Variants in ADGRB3 observed in about 807,000 individuals in gnomAD.
ADGRB3 encodes the protein brain-specific angiogenesis inhibitor 3.
A neutral mutation model predicts 193.4 loss-of-function variants in ADGRB3; 37 were observed. The ratio of observed to expected loss-of-function variants is 0.19; its 90% CI spans 0.15 to 0.25. The LOEUF (loss-of-function observed/expected upper bound fraction) is 0.25, where lower values mean the gene tolerates loss of function less well. Ranked by LOEUF, ADGRB3 falls within the 10% of genes least tolerant of loss-of-function variation. The pLI is 1.00. For synonymous variants in ADGRB3, 690 were observed against 644.2 expected (o/e 1.07, Z -1.08); for missense variants, 1,637 against 1,852.9 (o/e 0.88, Z 2.14).
chr6:68,690,345 A>G (rs1350653269), intron 3 of ADGRB3, among the ~76,000 whole-genome samples: 5 of 152,242 alleles, frequency 3.3e-5, no homozygotes, highest in Non-Finnish European at 4.4e-5. Flanking sequence ...CTTTTGAGGC[A>G]TGGAAACACA....
chr6:68,679,546 GA>G (rs948252149), intron 3 of ADGRB3, among the ~76,000 whole-genome samples: 62 of 148,634 alleles, frequency 4.2e-4, no homozygotes, highest in Middle Eastern at 6.9e-3. Context: ...TGCTTTTCAG[GA>G]AAAAAAAAAT....
chr6:68,746,817 G>T (rs540096167), intron 3 of ADGRB3, among the ~76,000 whole-genome samples: 48 of 152,024 alleles, frequency 3.2e-4, no homozygotes, highest in African/African-American at 1.2e-3. Flanking sequence ...GAGATAATTT[G>T]ATTTCTACAT....
intron 20 of ADGRB3, among the ~76,000 whole-genome samples, chr6:69,260,729 G>A (rs1373743184): frequency 6.6e-6 from 1 of 152,090 alleles, no homozygotes; most frequent in Non-Finnish European, 1.5e-5. Flanking sequence ...CTTACTTAGG[G>A]AGAATCCTAG....
chr6:68,993,885 A>T lies in ADGRB3; in HGVS notation c.1852A>T (p.Met618Leu). ...AAATTTCTATGCAGGCGATCTTCTG[A>T]TGTCTGTGGAGATCCTGAGAAATGT... The part of the protein sequence containing the change: ...RKNFYAGDLL[M>L]SVEILRNVTD... Residue 618 changes from methionine to leucine, a missense_variant, in exon 11 of 32, where the codon ATG becomes TTG. Met to Leu is a conservative substitution (Grantham distance 15, BLOSUM62 2). Around this residue, in one of 7 missense-constraint regions of ADGRB3, gnomAD observed 641 missense variants for 673.9 expected, o/e 0.95. Transcript: ENST00000370598. The T allele has an allele frequency of 1.2e-6, 2 of 1,613,968 alleles. No individual in the cohort carries two copies. The highest frequency in any genetic ancestry group is 1.7e-6 in the Non-Finnish European group (2 of 1,179,884).
At chr6:69,272,207 T>C (rs1385079390) in intron 20 of ADGRB3, among the ~76,000 whole-genome samples, 1 of 152,212 alleles carries the variant, frequency 6.6e-6, no homozygotes, top group African/African-American at 2.4e-5. Context: ...GGATAGGTCC[T>C]GAGATTTATT....
chr6:68,658,941 T>G (rs1488514696), intron 3 of ADGRB3, among the ~76,000 whole-genome samples: 1 of 151,136 alleles, frequency 6.6e-6, no homozygotes, highest in African/African-American at 2.4e-5. Context: ...TATAGTTAGA[T>G]TAAGCATCTC....
intron 17 of ADGRB3, among the ~76,000 whole-genome samples, chr6:69,171,125 G>A (rs1307828810): frequency 7.3e-6 from 1 of 137,454 alleles, no homozygotes; most frequent in Non-Finnish European, 1.6e-5. Flanking sequence ...TTATTAAGAA[G>A]ATACTTACAT....
At chr6:69,171,199 A>C (rs1370436440) in intron 17 of ADGRB3, among the ~76,000 whole-genome samples, 1 of 152,194 alleles carries the variant, frequency 6.6e-6, no homozygotes, top group South Asian at 2.1e-4. Flanking sequence ...ATCTCAATTT[A>C]GACTAGCTAG....
In ADGRB3 at chr6:69,260,431, A is replaced by G. The variant is rs538712753; in HGVS notation, c.2814+21205A>G. ...GGTGTCCCTCATTGGAAGCAGAAAT[A>G]AGTATTAAATTTGTATTAATATTAG... is the stretch of plus-strand genomic sequence containing the variant. On this transcript the variant is annotated intron_variant, in intron 20 of 31. Coordinates refer to ENST00000370598, the MANE Select transcript of ADGRB3 (RefSeq NM_001704.3). Among the ~76,000 whole-genome samples the G allele has an allele frequency of 3.3e-5, 5 of 152,274 alleles. No homozygotes were observed. In the South Asian group the frequency reaches 1.0e-3, roughly 32 times the overall value.
chr6:69,037,363 G>A (rs1173764459), intron 13 of ADGRB3, among the ~76,000 whole-genome samples: 1 of 152,118 alleles, frequency 6.6e-6, no homozygotes, highest in East Asian at 1.9e-4. Flanking sequence ...ATTGTCTGTG[G>A]CTGCCTTCAC....
intron 3 of ADGRB3, among the ~76,000 whole-genome samples, chr6:68,704,724 G>GA (rs1301592996): frequency 2.6e-5 from 4 of 152,188 alleles, no homozygotes; most frequent in Non-Finnish European, 5.9e-5. Context: ...AATAATCTGT[G>GA]AAAACCTTGC....
At chr6:69,292,318 A>T (rs912345739) in intron 20 of ADGRB3, among the ~76,000 whole-genome samples, 6 of 152,122 alleles carry the variant, frequency 3.9e-5, no homozygotes, top group African/African-American at 1.4e-4. Context: ...ACTATTAAGA[A>T]GTATAGTGAG....
intron 13 of ADGRB3, among the ~76,000 whole-genome samples, chr6:69,025,725 A>T (rs1254403920): frequency 1.3e-5 from 2 of 152,170 alleles, no homozygotes. Context: ...TTGTGCTAAC[A>T]TACTGGTTTC....
At chr6:68,796,640 A>G (rs1248552803) in intron 3 of ADGRB3, among the ~76,000 whole-genome samples, 1 of 152,176 alleles carries the variant, frequency 6.6e-6, no homozygotes, top group East Asian at 1.9e-4. Context: ...TGACAGTGCT[A>G]AAATTATGAC....
chr6:69,201,399 ATCTT>A (rs1401369634), intron 17 of ADGRB3, among the ~76,000 whole-genome samples: 1 of 151,320 alleles, frequency 6.6e-6, no homozygotes, highest in Non-Finnish European at 1.5e-5. Flanking sequence ...TTGACTACCT[ATCTT>A]TCTTAAAATT....
chr6:69,004,351 T>G (rs1369670425), intron 11 of ADGRB3, among the ~76,000 whole-genome samples: 1 of 152,094 alleles, frequency 6.6e-6, no homozygotes, highest in Non-Finnish European at 1.5e-5. Flanking sequence ...ATGGTCTTTT[T>G]CTCTACACAC....
At chr6:68,826,121 C>T (rs151057350) in intron 3 of ADGRB3, among the ~76,000 whole-genome samples, 2 of 151,962 alleles carry the variant, frequency 1.3e-5, no homozygotes, top group East Asian at 1.9e-4. Context: ...CAAAAGTGAG[C>T]GAAACAGACA....
intron 3 of ADGRB3, among the ~76,000 whole-genome samples, chr6:68,695,876 G>A (rs1765149125): frequency 6.6e-6 from 1 of 151,994 alleles, no homozygotes; most frequent in South Asian, 2.1e-4. Flanking sequence ...AAATAACTGC[G>A]TGTGACACAT....
intron 17 of ADGRB3, among the ~76,000 whole-genome samples, chr6:69,107,485 A>T (rs1455073959): frequency 1.3e-5 from 2 of 152,178 alleles, no homozygotes; most frequent in Non-Finnish European, 2.9e-5. Flanking sequence ...TCCTTCTTTG[A>T]TTGTAGCTTT....
Sources: gnomAD v4.1 joint callset for allele counts (sites outside exome capture counted in the v4.1 genomes callset) on GRCh38, gnomAD v4.1.1 for gene constraint, gnomAD v4.1.1 regional missense constraint, MANE v1.5 for transcripts, NCBI Gene and HGNC (gene_info 2026-07-23, HGNC 2026-07-21) for gene names.